Variants in DOCK9 observed in about 807,000 individuals in gnomAD.
The protein encoded by DOCK9 is dedicator of cytokinesis protein 9.
Under a neutral mutation model 263.3 loss-of-function variants are expected in DOCK9, and 89 were observed. The observed-to-expected ratio is 0.34, with a 90% CI of 0.28 to 0.40. The LOEUF is 0.40. Ranked by LOEUF, DOCK9 falls within the 10% of genes least tolerant of loss-of-function variation. The pLI, the probability that DOCK9 is intolerant of heterozygous loss-of-function variation, is 1.00. For missense variants in DOCK9, 2,140 were observed against 2,603.4 expected, an observed-to-expected ratio of 0.82 and a Z score of 3.87; for synonymous variants, 976 against 973.1, an observed-to-expected ratio of 1.00 and a Z score of -0.06.
At chr13:98,839,201 A>G (rs1023363964) in intron 38 of DOCK9, among the ~76,000 whole-genome samples, 5 of 152,222 alleles carry the variant, frequency 3.3e-5, no homozygotes, top group African/African-American at 1.2e-4. Context: ...ACGTCTCTCC[A>G]AATTTAGTGA....
chr13:98,916,063 C>T (rs1352121903), intron 7 of DOCK9, among the ~76,000 whole-genome samples: 2 of 152,198 alleles, frequency 1.3e-5, no homozygotes, highest in African/African-American at 4.8e-5. Context: ...CGTGGCCTTG[C>T]CTCATGCCTC....
chr13:98,883,429 T>C (rs1297558480), intron 22 of DOCK9, among the ~76,000 whole-genome samples: 2 of 152,164 alleles, frequency 1.3e-5, no homozygotes, highest in African/African-American at 4.8e-5. Context: ...TGTATTTTTG[T>C]AGAGACAAGG....
chr13:98,888,484 G>A lies in DOCK9; in HGVS notation c.1853C>T (p.Thr618Met), dbSNP rs755685954. ...QFETCSKTPI[T>M]FEVEEFVPCI... The stretch of plus-strand genomic sequence containing the variant: ...GGGCACAAATTCCTCCACTTCAAAC[G>A]TGATGGGAGTTTTACTGCAGGTTTC... The change falls in exon 17 of 53, where the codon ACG becomes ATG. Residue 618 changes from threonine (T) to methionine (M), a missense_variant. Transcript: ENST00000682017. The A allele has an allele frequency of 5.0e-6, 8 of 1,613,834 alleles. No individual in the cohort carries two copies. The Admixed American group carries it at 6.7e-5, about 13-fold the overall frequency.
intron 1 of DOCK9, among the ~76,000 whole-genome samples, chr13:98,988,138 G>A (rs2141673783): frequency 6.6e-6 from 1 of 152,216 alleles, no homozygotes; most frequent in Non-Finnish European, 1.5e-5. Context: ...CACTTGGGAA[G>A]TATTTTAAAA....
At chr13:99,037,773 A>C (rs1441510653) in intron 1 of DOCK9, among the ~76,000 whole-genome samples, 1 of 152,232 alleles carries the variant, frequency 6.6e-6, no homozygotes, top group Non-Finnish European at 1.5e-5. Flanking sequence ...ACATAATCAA[A>C]TTAATTCATC....
chr13:98,957,296 C>T (rs1204764265), intron 1 of DOCK9, among the ~76,000 whole-genome samples: 2 of 152,204 alleles, frequency 1.3e-5, no homozygotes, highest in African/African-American at 4.8e-5. Context: ...TGCTGAGATT[C>T]TGGAGTTGCC....
At chr13:98,804,378 C>G (rs774808004) in intron 49 of DOCK9, among the ~76,000 whole-genome samples, 3 of 152,218 alleles carry the variant, frequency 2.0e-5, no homozygotes, top group Non-Finnish European at 4.4e-5. Context: ...GGAAATGATG[C>G]AAAACACATT....
intron 1 of DOCK9, among the ~76,000 whole-genome samples, chr13:99,003,033 G>A (rs924687969): frequency 1.3e-5 from 2 of 151,990 alleles, no homozygotes; most frequent in Admixed American, 6.6e-5. Context: ...GGGAGGGGAG[G>A]GGAAAGAAGA....
At chr13:98,900,214 G>T (rs911924988) in intron 13 of DOCK9, among the ~76,000 whole-genome samples, 2 of 152,200 alleles carry the variant, frequency 1.3e-5, no homozygotes, top group Non-Finnish European at 1.5e-5. Flanking sequence ...AGTGGACATG[G>T]AGGAGTGTGC....
Position 98,837,512 on chromosome 13 carries a change from T to A in DOCK9, c.4296A>T (p.Leu1432=). 6.2e-7 allele frequency: 1 copy of A among 1,612,004 alleles called. No individual in the cohort carries two copies. The highest frequency in any genetic ancestry group is 8.5e-7 in the Non-Finnish European group (1 of 1,178,598). ...VCLTALDTLS[L]FTLAFKNQLL... is the part of the protein sequence containing the mutation. The stretch of plus-strand genomic sequence containing the variant: ...TACAAACCTTAAACGCCAATGTAAA[T>A]AGAGAAAGCGTGTCCAGAGCTGTCA... The change falls in exon 39 of 53, where the codon CTA becomes CTT. Residue 1432 remains leucine, a synonymous_variant. Transcript: ENST00000682017.
At chr13:99,082,079 C>T (rs1203296997) in intron 1 of DOCK9, among the ~76,000 whole-genome samples, 2 of 151,930 alleles carry the variant, frequency 1.3e-5, no homozygotes, top group South Asian at 2.1e-4. Flanking sequence ...ATTAGCTAGG[C>T]GTGGTGGTGC....
intron 43 of DOCK9, among the ~76,000 whole-genome samples, chr13:98,828,804 C>T (rs2092646981): frequency 6.6e-6 from 1 of 152,118 alleles, no homozygotes; most frequent in African/African-American, 2.4e-5. Flanking sequence ...GATTCAAAGT[C>T]CAATATTACT....
At chr13:98,868,537 G>A (rs1566784374) in intron 27 of DOCK9, among the ~76,000 whole-genome samples, 160 bp from the exon 28 acceptor site, 1 of 152,200 alleles carries the variant, frequency 6.6e-6, no homozygotes, top group Non-Finnish European at 1.5e-5. Flanking sequence ...GCCAAGTTGG[G>A]AGGATCACTT....
intron 1 of DOCK9, among the ~76,000 whole-genome samples, chr13:99,038,632 T>C (rs1292779581): frequency 6.6e-6 from 1 of 152,084 alleles, no homozygotes; most frequent in Non-Finnish European, 1.5e-5. Flanking sequence ...CAAAACTAGC[T>C]TCTGATAAAA....
intron 1 of DOCK9, among the ~76,000 whole-genome samples, chr13:99,080,711 C>T (rs1040229564): frequency 6.6e-6 from 1 of 152,276 alleles, no homozygotes; most frequent in South Asian, 2.1e-4. Context: ...AATTCTTTCC[C>T]GAATACACTG....
chr13:98,992,809 C>T (rs1880124849), intron 1 of DOCK9, among the ~76,000 whole-genome samples: 1 of 152,200 alleles, frequency 6.6e-6, no homozygotes, highest in Non-Finnish European at 1.5e-5. Context: ...ACTAATACAG[C>T]AGCTGAGAAT....
intron 1 of DOCK9, among the ~76,000 whole-genome samples, chr13:99,069,613 G>A (rs1315664700): frequency 6.6e-6 from 1 of 152,202 alleles, no homozygotes; most frequent in Non-Finnish European, 1.5e-5. Context: ...GACCACAAAG[G>A]TTTATCCATG....
At chr13:98,811,998 A>G (rs1234182699) in intron 45 of DOCK9, among the ~76,000 whole-genome samples, 1 of 152,150 alleles carries the variant, frequency 6.6e-6, no homozygotes, top group Non-Finnish European at 1.5e-5. Context: ...ATGAGAGACT[A>G]TGCTTTCTCT....
At position 98,945,389 on chromosome 13, in the gene DOCK9, C is replaced by T. The variant is rs188653612; in HGVS notation, c.243+10046G>A. Among the ~76,000 whole-genome samples, 485 of 152,328 alleles carry T rather than the reference C, an allele frequency of 3.2e-3. 10 individuals carry two copies. In the South Asian group the frequency reaches 0.047, roughly 15 times the overall value. On this transcript the variant is annotated intron_variant, in intron 2 of 52. Coordinates refer to ENST00000682017, the MANE Select transcript of DOCK9 (RefSeq NM_001366683.2). ...TCCATGTTGTCACTACACCTTCCTC[C>T]CGTGAGCTCTCAGACACTGACATGT...
Sources: gnomAD v4.1 joint callset for allele counts (sites outside exome capture counted in the v4.1 genomes callset) on GRCh38, gnomAD v4.1.1 for gene constraint, MANE v1.5 for transcripts, NCBI Gene and HGNC (gene_info 2026-07-23, HGNC 2026-07-21) for gene names.